RABEP1: variants seen among roughly 807,000 people sequenced by gnomAD.
RABEP1 encodes rab GTPase-binding effector protein 1.
In RABEP1, 51 loss-of-function variants were observed where a neutral mutation model predicts 123.4. That is an observed-to-expected ratio of 0.41 (90% CI 0.33 to 0.52). The LOEUF (loss-of-function observed/expected upper bound fraction) is 0.52, where lower values mean the gene tolerates loss of function less well. RABEP1 is among the 20% of genes least tolerant of loss of function. The pLI is 0.16. For missense variants in RABEP1, 888 were observed against 996.3 expected (o/e 0.89, Z 1.46); for synonymous variants, 347 against 355.2 (o/e 0.98, Z 0.26).
chr17:5,302,459 T>A (rs1440430571), intron 1 of RABEP1, among the ~76,000 whole-genome samples: 2 of 151,986 alleles, frequency 1.3e-5, no homozygotes, highest in Non-Finnish European at 2.9e-5. Flanking sequence ...CAGGCTGGTC[T>A]CGAACTCCTG....
chr17:5,361,439 G>A lies in RABEP1; in HGVS notation c.1327G>A (p.Val443Ile). ...GGACGAGTCAGATTTTGGACCACTG[G>A]TAGGAGCAGATTCAGTGTCTGAGAA... ...NLDESDFGPL[V>I]GADSVSENFD... Residue 443 changes from valine to isoleucine, a missense_variant, in exon 9 of 18, where the codon GTA becomes ATA. Physicochemically the swap from Val to Ile is conservative, Grantham distance 29 (BLOSUM62 3). Coordinates refer to ENST00000537505, the MANE Select transcript of RABEP1 (RefSeq NM_004703.6). The A allele has an allele frequency of 6.2e-7, 1 of 1,614,192 alleles. No individual in the cohort carries two copies. Among genetic ancestry groups the A allele is most frequent in the Non-Finnish European group, 8.5e-7 (1 of 1,180,018 alleles).
At chr17:5,330,774 A>G (rs147215170) in intron 2 of RABEP1, among the ~76,000 whole-genome samples, 2,882 of 152,114 alleles carry the variant, frequency 0.019, 87 homozygotes, top group African/African-American at 0.065. Context: ...TGTAATCCCA[A>G]CGCTTTGGGA....
At chr17:5,326,452 C>CA (rs938018972) in intron 2 of RABEP1, among the ~76,000 whole-genome samples, 3 of 151,690 alleles carry the variant, frequency 2.0e-5, no homozygotes, top group Non-Finnish European at 2.9e-5. Context: ...ACTGTGGAAA[C>CA]AAAAAAAAGA....
intron 1 of RABEP1, among the ~76,000 whole-genome samples, chr17:5,288,994 C>G (rs879585303): frequency 6.6e-6 from 1 of 152,182 alleles, no homozygotes; most frequent in Non-Finnish European, 1.5e-5. Context: ...GAGTGAGCCA[C>G]TGTGCCTGGT....
At chr17:5,317,537 C>T (rs1394872295) in intron 2 of RABEP1, among the ~76,000 whole-genome samples, 2 of 152,002 alleles carry the variant, frequency 1.3e-5, no homozygotes, top group African/African-American at 4.8e-5. Context: ...CTGACCACTT[C>T]TGTTCAACAT....
intron 8 of RABEP1, 163 bp from the exon 9 acceptor site, chr17:5,361,045 C>G: frequency 1.5e-6 from 1 of 666,638 alleles, no homozygotes; most frequent in Non-Finnish European, 2.5e-6. Flanking sequence ...GGTTTTGTGT[C>G]CAGCATGTAG....
intron 1 of RABEP1, among the ~76,000 whole-genome samples, chr17:5,299,854 T>G (rs1470348309): frequency 6.6e-6 from 1 of 150,726 alleles, no homozygotes; most frequent in Non-Finnish European, 1.5e-5. Context: ...CTCAGCCTCC[T>G]GAGTAGCTGG....
chr17:5,352,596 C>T (rs919556283), intron 7 of RABEP1, among the ~76,000 whole-genome samples: 5 of 150,692 alleles, frequency 3.3e-5, no homozygotes, highest in Middle Eastern at 3.4e-3. Flanking sequence ...TTTGGGAGGC[C>T]GAGGTGGGTG....
chr17:5,314,547 C>T lies in RABEP1; in HGVS notation c.163+5725C>T, dbSNP rs1390999435. ...TTTTTTTTTTTTTTTGAGATGGAGT[C>T]TTGCTCTGTCACCCAGGCTGGAGTG... On this transcript the variant is annotated intron_variant, in intron 2 of 17. Transcript: ENST00000537505. Among the ~76,000 whole-genome samples, 125 of 121,512 alleles carry T rather than the reference C, an allele frequency of 1.0e-3. No homozygotes were observed. The Middle Eastern group carries it at 0.022, about 22-fold the overall frequency. 79.7% of individuals were successfully genotyped at this position (121,512 alleles called of 152,430 possible). A position where few individuals can be genotyped will look rare whatever the true frequency, so the allele number is the denominator to read the frequency against.
At chr17:5,315,188 G>A (rs558798004) in intron 2 of RABEP1, among the ~76,000 whole-genome samples, 1 of 152,154 alleles carries the variant, frequency 6.6e-6, no homozygotes, top group Admixed American at 6.5e-5. Context: ...CCATAAACTT[G>A]CACTTAGATA....
chr17:5,307,179 G>C (rs62075065), intron 1 of RABEP1, among the ~76,000 whole-genome samples: 7,669 of 152,250 alleles, frequency 0.05, 244 homozygotes, highest in Non-Finnish European at 0.069. Context: ...TTAGCCAGGC[G>C]TGGTGGCACA....
At chr17:5,343,976 C>T (rs192087378) in intron 5 of RABEP1, among the ~76,000 whole-genome samples, 182 of 151,892 alleles carry the variant, frequency 1.2e-3, no homozygotes, top group African/African-American at 4.0e-3. Context: ...GTGCCTGGCC[C>T]AAGGTTTCCT....
chr17:5,322,200 C>A (rs1366187950), intron 2 of RABEP1, among the ~76,000 whole-genome samples: 1 of 151,432 alleles, frequency 6.6e-6, no homozygotes, highest in African/African-American at 2.4e-5. Context: ...AACTCCATCT[C>A]AAAAAAAATT....
chr17:5,335,061 A>T, intron 3 of RABEP1, 123 bp from the exon 4 acceptor site: 1 of 727,486 alleles, frequency 1.4e-6, no homozygotes, highest in African/African-American at 1.8e-5. Context: ...CTTGTTTTTT[A>T]GTGAATTAAA....
At chr17:5,337,100 A>G (rs984414697) in intron 4 of RABEP1, among the ~76,000 whole-genome samples, 1 of 152,168 alleles carries the variant, frequency 6.6e-6, no homozygotes, top group African/African-American at 2.4e-5. Flanking sequence ...TCACCAGTTT[A>G]CTAGTTTATG....
intron 16 of RABEP1, 28 bp from the exon 17 acceptor site, chr17:5,381,361 A>G (rs201528919): frequency 2.5e-6 from 4 of 1,603,896 alleles, no homozygotes; most frequent in East Asian, 2.2e-5. Context: ...TTTGGCATTA[A>G]TCTTCATTCA....
At chr17:5,377,681 A>C (rs1043346042) in intron 14 of RABEP1, among the ~76,000 whole-genome samples, 4 of 152,000 alleles carry the variant, frequency 2.6e-5, no homozygotes, top group Admixed American at 2.6e-4. Context: ...CATGTGTGCC[A>C]GCACACCCAG....
rs1409317593 is a variant in RABEP1 at position 5,378,455 on chromosome 17, T to G, written c.2271+223T>G. 3 of 625,442 alleles carry G rather than the reference T, an allele frequency of 4.8e-6. No homozygotes were observed. In the Admixed American group the frequency reaches 8.4e-5, roughly 17 times the overall value. The allele number at this position is 625,442 out of a possible 1,614,324, so 38.7% of individuals were successfully genotyped here. On this transcript the variant is annotated intron_variant, in intron 15 of 17. Coordinates refer to ENST00000537505, the MANE Select transcript of RABEP1 (RefSeq NM_004703.6). ...AACTGGAGGAGGTAAGGCTAAGATG[T>G]GACTGTGGCCTGGAGTTTCCAGTGT...
intron 1 of RABEP1, among the ~76,000 whole-genome samples, chr17:5,295,822 C>T (rs1412847610): frequency 6.6e-6 from 1 of 152,122 alleles, no homozygotes; most frequent in Non-Finnish European, 1.5e-5. Flanking sequence ...TTTCTGCTTT[C>T]TTCCTCTGTG....
Sources: allele counts gnomAD v4.1 joint callset (sites outside exome capture counted in the v4.1 genomes callset), GRCh38; gene constraint gnomAD v4.1.1; transcripts MANE v1.5; gene names NCBI Gene and HGNC (gene_info 2026-07-23, HGNC 2026-07-21).